The following BTK variants were observed in gnomAD, a reference collection of about 807,000 sequenced individuals.
The protein encoded by BTK is tyrosine-protein kinase BTK.
Under a neutral mutation model 57.4 loss-of-function variants are expected in BTK, and 5 were observed. The observed-to-expected ratio is 0.09, with a 90% CI of 0.05 to 0.18. The LOEUF (loss-of-function observed/expected upper bound fraction) is 0.18, where lower values mean the gene tolerates loss of function less well. Among genes scored for constraint, BTK ranks in the 10% least tolerant of loss-of-function variants. The pLI is 1.00. For missense variants in BTK, 194 were observed against 501.2 expected, an observed-to-expected ratio of 0.39 and a Z score of 5.85; for synonymous variants, 154 against 174.3, an observed-to-expected ratio of 0.88 and a Z score of 0.92.
intron 1 of BTK, among the ~76,000 whole-genome samples, chrX:101,378,565 CACT>C (rs1472468806): frequency 3.0e-5 from 3 of 99,015 alleles, no homozygotes; most frequent in Non-Finnish European, 6.1e-5. Context: ...ACACACACAC[CACT>C]GTTGTTTATA....
At chrX:101,382,636 T>C (rs782559552) in intron 1 of BTK, among the ~76,000 whole-genome samples, 1 of 111,201 alleles carries the variant, frequency 9.0e-6, no homozygotes, top group Non-Finnish European at 1.9e-5. Flanking sequence ...TTAGCGACAA[T>C]ATATTCTGGC....
At chrX:101,353,470 A>G (rs782678429) in intron 17 of BTK, 119 bp from the exon 18 acceptor site, 6 of 797,268 alleles carry the variant, frequency 7.5e-6, no homozygotes, top group Non-Finnish European at 9.3e-6. Flanking sequence ...TGTGCTTTTT[A>G]TATTTTGCCC....
intron 1 of BTK, among the ~76,000 whole-genome samples, chrX:101,382,107 C>G (rs1555981864): frequency 9.1e-6 from 1 of 109,498 alleles, no homozygotes; most frequent in African/African-American, 3.3e-5. Context: ...TGTTAAATTC[C>G]CAAGATGCTT....
intron 3 of BTK, among the ~76,000 whole-genome samples, chrX:101,373,984 G>A (rs1231255587): frequency 2.7e-5 from 3 of 110,290 alleles, no homozygotes; most frequent in African/African-American, 9.9e-5. Flanking sequence ...GGTGAAGGTT[G>A]CAGTGAGCCA....
intron 1 of BTK, among the ~76,000 whole-genome samples, chrX:101,379,453 G>A (rs1927339808): frequency 9.0e-6 from 1 of 111,731 alleles, no homozygotes; most frequent in South Asian, 3.7e-4. Flanking sequence ...ACTTCTACCT[G>A]ACAGGCATTT....
At chrX:101,375,976 GT>G (rs1487323180) in intron 1 of BTK, among the ~76,000 whole-genome samples, 1 of 73,963 alleles carries the variant, frequency 1.4e-5, no homozygotes, top group African/African-American at 8.6e-5. Flanking sequence ...GTGGGTTTTG[GT>G]GGGGGGGGGG....
Position 101,354,004 on chromosome X carries a change from G to A in BTK, c.1632-16C>T. 2 of 1,127,787 alleles carry A rather than the reference G, an allele frequency of 1.8e-6. No individual in the cohort carries two copies. Among genetic ancestry groups the A allele is most frequent in the Non-Finnish European group, 2.4e-6 (2 of 818,813 alleles). The allele number at this position is 1,127,787 out of a possible 1,213,427, so 92.9% of individuals were successfully genotyped here. ...CAGGACATACCTGCAAGGGATTCAG[G>A]ACTTGTTGCATTAGGATTTGGAGGC... On this transcript the variant is annotated splice_polypyrimidine_tract_variant and intron_variant, in intron 16 of 18. Coordinates refer to ENST00000308731, the MANE Select transcript of BTK (RefSeq NM_000061.3).
chrX:101,389,480 G>A (rs574354647), upstream of BTK, among the ~76,000 whole-genome samples: 2 of 111,714 alleles, frequency 1.8e-5, no homozygotes, highest in African/African-American at 6.5e-5. Context: ...TTCAGGAAAT[G>A]TAGCAGGTAG....
At chrX:101,384,023 T>C (rs1265978920) in intron 1 of BTK, among the ~76,000 whole-genome samples, 1 of 111,815 alleles carries the variant, frequency 8.9e-6, no homozygotes, top group Non-Finnish European at 1.9e-5. Context: ...AGTTCTTCCT[T>C]ATTTTCAGTA....
chrX:101,360,783 G>A (rs1237667216), intron 7 of BTK, 28 bp from the exon 8 acceptor site: 2 of 1,186,697 alleles, frequency 1.7e-6, no homozygotes, highest in Middle Eastern at 2.4e-4. Flanking sequence ...AAGGTAGGAG[G>A]GTTTGTCAAG....
At chrX:101,353,070 TAAAAA>T in intron 18 of BTK, 119 bp downstream of exon 18, 1 of 592,802 alleles carries the variant, frequency 1.7e-6, no homozygotes, top group African/African-American at 2.7e-5. Flanking sequence ...TGTCTCAAAT[TAAAAA>T]AAAAAAAAAA....
chrX:101,386,810 G>A (rs1927623899), upstream of BTK, among the ~76,000 whole-genome samples: 1 of 112,069 alleles, frequency 8.9e-6, no homozygotes, highest in Non-Finnish European at 1.9e-5. Context: ...TGTGGATGTT[G>A]ACTTTCTCCA....
chrX:101,383,101 G>A (rs1927504435), intron 1 of BTK, among the ~76,000 whole-genome samples: 1 of 111,775 alleles, frequency 8.9e-6, no homozygotes, highest in South Asian at 3.7e-4. Context: ...CTCATCCAGA[G>A]GCATTAATAT....
At position 101,369,740 on chromosome X, in the gene BTK, TTTCTTTG is replaced by T. The variant is rs79879307; in HGVS notation, c.391+251_391+257del. Among the ~76,000 whole-genome samples the T allele has an allele frequency of 0.16, 16,750 of 105,169 alleles. 1,208 individuals carry two copies. The highest frequency in any genetic ancestry group is 0.24 in the Admixed American group (2,427 of 10,039). The allele number at this position is 105,169 out of a possible 115,157, so 91.3% of individuals were successfully genotyped here. On this transcript the variant is annotated intron_variant, in intron 5 of 18. Coordinates refer to ENST00000308731, the MANE Select transcript of BTK (RefSeq NM_000061.3). ...GAAACAAAATACAAACTTTCCTTTG[TTTCTTTG>T]TTATTTGTCTTTCTTTCCTCCCTCA...
chrX:101,374,610 T>C lies in BTK; in HGVS notation c.166A>G (p.Ile56Val). The change falls in exon 3 of 19, where the codon ATA becomes GTA. Residue 56 changes from isoleucine to valine, a missense_variant. This residue lies in a region of BTK where 115 missense variants were observed against 258.3 expected (regional missense o/e 0.45). Transcript: ENST00000308731. The part of the protein sequence containing the change: ...RGRRGSKKGS[I>V]DVEKITCVET... The stretch of plus-strand genomic sequence containing the variant: ...ACACAAGTGATCTTCTCAACATCTA[T>C]TGAACCCTTCTTACTGCCTCTTCTC... 8.3e-7 allele frequency: 1 copy of C among 1,209,646 alleles called. No individual in the cohort carries two copies. Among genetic ancestry groups the C allele is most frequent in the South Asian group, 1.8e-5 (1 of 56,954 alleles).
At chrX:101,371,796 G>A in intron 3 of BTK, 95 bp from the exon 4 acceptor site, 1 of 713,717 alleles carries the variant, frequency 1.4e-6, no homozygotes, top group Non-Finnish European at 2.2e-6. Flanking sequence ...GGCTTCAGAA[G>A]TTTCTCCTGC....
chrX:101,361,582 T>C (rs1555978668), intron 7 of BTK, among the ~76,000 whole-genome samples: 1 of 110,822 alleles, frequency 9.0e-6, no homozygotes, highest in Non-Finnish European at 1.9e-5. Flanking sequence ...AGTATGTTGG[T>C]ATTAAGTGTT....
At chrX:101,375,417 A>G in intron 1 of BTK, 103 bp from the exon 2 acceptor site, 2 of 816,097 alleles carry the variant, frequency 2.5e-6, no homozygotes, top group Non-Finnish European at 1.8e-6. Flanking sequence ...AAAAATGTGC[A>G]CAGCTCACAA....
intron 13 of BTK, 28 bp downstream of exon 13, chrX:101,357,481 A>G: frequency 8.3e-7 from 1 of 1,199,694 alleles, no homozygotes; most frequent in Non-Finnish European, 1.1e-6. Context: ...TGGCCAGTCC[A>G]CCCTACCCCA....
Sources: gnomAD v4.1 joint callset for allele counts (sites outside exome capture counted in the v4.1 genomes callset) on GRCh38, gnomAD v4.1.1 for gene constraint, gnomAD v4.1.1 regional missense constraint, MANE v1.5 for transcripts, NCBI Gene and HGNC (gene_info 2026-07-23, HGNC 2026-07-21) for gene names.